Variants in LY75 observed in about 807,000 individuals in gnomAD.
The protein encoded by LY75 is lymphocyte antigen 75.
LY75 carries 185 observed loss-of-function variants against 231.7 expected under a neutral mutation model. The ratio of observed to expected loss-of-function variants is 0.80; its 90% CI spans 0.71 to 0.90. The LOEUF (loss-of-function observed/expected upper bound fraction) is 0.90. LY75 is among the 40% of genes least tolerant of loss of function. The pLI, the probability that LY75 is intolerant of heterozygous loss-of-function variation, is 0.00. For missense variants in LY75, 1,947 were observed against 2,050.2 expected (o/e 0.95, Z 0.97); for synonymous variants, 668 against 689.0 (o/e 0.97, Z 0.48).
chr2:159,886,536 A>G lies in LY75; in HGVS notation c.803-6T>C. 1 of 1,583,400 alleles carries G rather than the reference A, an allele frequency of 6.3e-7. No individual in the cohort carries two copies. The highest frequency in any genetic ancestry group is 2.2e-5 in the East Asian group (1 of 44,634). ...CTTAGCAATGCCTTCTTTTTCTGTA[A>G]GAATTAAAAAATTTTTAAAAAGTGA... On this transcript the variant is annotated splice_region_variant and splice_polypyrimidine_tract_variant and intron_variant, in intron 4 of 34. Coordinates refer to ENST00000263636, the MANE Select transcript of LY75 (RefSeq NM_002349.4).
At chr2:159,852,894 TGA>T (rs1684444386) in intron 20 of LY75, among the ~76,000 whole-genome samples, 1 of 152,182 alleles carries the variant, frequency 6.6e-6, no homozygotes, top group Admixed American at 6.5e-5. Flanking sequence ...ACATTTTGTG[TGA>T]CTACCATACC....
intron 11 of LY75, among the ~76,000 whole-genome samples, chr2:159,876,630 A>G (rs1017041943): frequency 6.6e-6 from 1 of 152,122 alleles, no homozygotes. Flanking sequence ...TGGAGGAAGT[A>G]GTCATGGTAG....
At position 159,859,170 on chromosome 2, in the gene LY75, G is replaced by C. The variant is rs141063345; in HGVS notation, c.2269-694C>G. Among the ~76,000 whole-genome samples the C allele has an allele frequency of 1.7e-3, 254 of 152,294 alleles. 1 individual carries two copies. The highest frequency in any genetic ancestry group is 2.9e-3 in the Non-Finnish European group (197 of 68,020). ...CCCTAGAACACAGTTTATTGTACCAGTGTTCTCAACACTACTAAAAATTCC... is the reference window on the plus strand; with the variant it reads ...CCCTAGAACACAGTTTATTGTACCACTGTTCTCAACACTACTAAAAATTCC... On this transcript the variant is annotated intron_variant, in intron 15 of 34. Transcript: ENST00000263636.
intron 27 of LY75, 71 bp from the exon 28 acceptor site, chr2:159,831,857 A>G (rs1683672473): frequency 3.1e-6 from 4 of 1,271,424 alleles, no homozygotes; most frequent in Non-Finnish European, 4.4e-6. Flanking sequence ...ATAAGTTTAA[A>G]ACATTTTAGT....
chr2:159,872,570 T>TA lies in LY75; in HGVS notation c.1997dup (p.Arg667LysfsTer9). ...CAGCTTCTTCCCAGTTCCTCTTTCTTACAATTCTTTCTGCATGGAATACCT... is the reference window on the plus strand; with the variant it reads ...CAGCTTCTTCCCAGTTCCTCTTTCTTAACAATTCTTTCTGCATGGAATACCT... On this transcript the variant is annotated frameshift_variant, in exon 13 of 35. Transcript: ENST00000263636. LOFTEE classifies it high-confidence loss of function. 1 of 1,613,806 alleles carries TA rather than the reference T, an allele frequency of 6.2e-7. No homozygotes were observed. The highest frequency in any genetic ancestry group is 8.5e-7 in the Non-Finnish European group (1 of 1,179,820).
At chr2:159,865,711 G>A (rs950910746) in intron 13 of LY75, among the ~76,000 whole-genome samples, 1 of 152,174 alleles carries the variant, frequency 6.6e-6, no homozygotes, top group Non-Finnish European at 1.5e-5. Context: ...TGTGAGGTTG[G>A]TAGGACAAAA....
In LY75 at chr2:159,834,230, G is replaced by A. The variant is rs1683753472; in HGVS notation, c.3674-19C>T. The A allele has an allele frequency of 1.2e-6, 2 of 1,611,844 alleles. No individual in the cohort carries two copies. Among genetic ancestry groups the A allele is most frequent in the African/African-American group, 1.3e-5 (1 of 74,880 alleles). ...GTCTCATCTAGAAAAAGAGTTAATG[G>A]TAAGAATTCTAATTTGAGATATAAA... On this transcript the variant is annotated intron_variant, in intron 26 of 34. Transcript: ENST00000263636.
intron 25 of LY75, among the ~76,000 whole-genome samples, chr2:159,838,797 A>AT (rs1683914761): frequency 6.6e-6 from 1 of 152,024 alleles, no homozygotes; most frequent in African/African-American, 2.4e-5. Flanking sequence ...TAATTAATTA[A>AT]TTAATTTTTT....
In LY75 at chr2:159,878,454, A is replaced by G. The variant is rs748188253; in HGVS notation, c.1644T>C (p.Tyr548=). ...AGAAGTATTTTCTTAGAGATTTATC[A>G]TACTTTTTCATCAAATCATTTAGGT... The part of the protein sequence containing the change: ...QEYLNDLMKK[Y]DKSLRKYFWT... The change falls in exon 11 of 35, where the codon TAT becomes TAC. Residue 548 remains tyrosine (Y), a synonymous_variant. Transcript: ENST00000263636. 7 of 1,614,104 alleles carry G rather than the reference A, an allele frequency of 4.3e-6. No individual in the cohort carries two copies. The highest frequency in any genetic ancestry group is 4.0e-5 in the African/African-American group (3 of 75,054).
intron 1 of LY75, among the ~76,000 whole-genome samples, chr2:159,904,357 C>T (rs1449247098): frequency 6.6e-6 from 1 of 152,244 alleles, no homozygotes; most frequent in Non-Finnish European, 1.5e-5. Flanking sequence ...ACCAGAAGGG[C>T]CCTGTCCTCC....
intron 31 of LY75, among the ~76,000 whole-genome samples, chr2:159,812,952 G>C (rs966639466): frequency 6.6e-6 from 1 of 152,110 alleles, no homozygotes; most frequent in Non-Finnish European, 1.5e-5. Context: ...TAGAGTATTT[G>C]TCTTTTTGTG....
intron 29 of LY75, 82 bp from the exon 30 acceptor site, chr2:159,817,114 C>A: frequency 7.3e-7 from 1 of 1,373,850 alleles, no homozygotes; most frequent in Non-Finnish European, 9.6e-7. Context: ...GCAATCATTT[C>A]AAAAGTTAAA....
intron 28 of LY75, among the ~76,000 whole-genome samples, chr2:159,824,499 G>C (rs1482442735): frequency 4.6e-5 from 7 of 152,056 alleles, no homozygotes; most frequent in Non-Finnish European, 1.0e-4. Flanking sequence ...AGAGACTTAG[G>C]CTCCTGCACA....
intron 16 of LY75, among the ~76,000 whole-genome samples, chr2:159,857,650 G>C (rs1684587968): frequency 6.6e-6 from 1 of 152,176 alleles, no homozygotes; most frequent in Non-Finnish European, 1.5e-5. Context: ...GCTGAGGCAG[G>C]AGAATCACTT....
intron 28 of LY75, among the ~76,000 whole-genome samples, chr2:159,826,680 G>A (rs970244387): frequency 1.3e-5 from 2 of 152,142 alleles, no homozygotes; most frequent in African/African-American, 4.8e-5. Flanking sequence ...CAAAGATGGA[G>A]GCATCATGCT....
chr2:159,848,481 A>G (rs1007928667), intron 23 of LY75, among the ~76,000 whole-genome samples: 2 of 152,260 alleles, frequency 1.3e-5, no homozygotes, highest in Non-Finnish European at 1.5e-5. Context: ...TGATGGGTGC[A>G]CCAAAATCTC....
rs1268045324 is a variant in LY75 at position 159,883,141 on chromosome 2, G to A, written c.1055-826C>T. Among the ~76,000 whole-genome samples the A allele has an allele frequency of 3.9e-5, 5 of 126,844 alleles. No individual in the cohort carries two copies. In the East Asian group the frequency reaches 1.1e-3, roughly 27 times the overall value. The allele number at this position is 126,844 out of a possible 152,430, so 83.2% of individuals were successfully genotyped here. ...GGACTGTTGTGGGGTGGGGGGAGGG[G>A]GAGGGGGGAGGGATAGCATTGGGAG... On this transcript the variant is annotated intron_variant, in intron 6 of 34. Coordinates refer to ENST00000263636, the MANE Select transcript of LY75 (RefSeq NM_002349.4).
At chr2:159,890,429 A>G (rs775825979) in intron 3 of LY75, 52 bp from the exon 4 acceptor site, 2 of 1,603,224 alleles carry the variant, frequency 1.2e-6, no homozygotes, top group Non-Finnish European at 1.7e-6. Flanking sequence ...AATGTTTTCT[A>G]TTACTTAGAA....
chr2:159,840,628 C>A, intron 25 of LY75, 101 bp downstream of exon 25: 1 of 1,507,740 alleles, frequency 6.6e-7, no homozygotes, highest in South Asian at 1.3e-5. Context: ...GTAAGATTTT[C>A]AGTTCTTCTG....
Sources: allele counts gnomAD v4.1 joint callset (sites outside exome capture counted in the v4.1 genomes callset), GRCh38; gene constraint gnomAD v4.1.1; transcripts MANE v1.5; gene names NCBI Gene and HGNC (gene_info 2026-07-23, HGNC 2026-07-21).